Variants in KCNH5 observed in about 807,000 individuals in gnomAD.
KCNH5 encodes the protein voltage-gated delayed rectifier potassium channel KCNH5.
KCNH5 carries 46 observed loss-of-function variants against 96.1 expected under a neutral mutation model. The ratio of observed to expected loss-of-function variants is 0.48; its 90% CI spans 0.38 to 0.61. The LOEUF is 0.61. KCNH5 is among the 20% of genes least tolerant of loss of function. The probability of loss-of-function intolerance (pLI) is 0.00; values close to 1 mark genes in which losing one functional copy is unlikely to be tolerated. For synonymous variants in KCNH5, 439 were observed against 449.8 expected, an observed-to-expected ratio of 0.98 and a Z score of 0.30; for missense variants, 907 against 1,225.8, an observed-to-expected ratio of 0.74 and a Z score of 3.88.
rs151227321 is a variant in KCNH5, at chr14:62,857,985, C to T, written c.1370-8133G>A. Reference sequence around the variant, plus strand: ...ATAATACAACTATCCTTTGTACAACCAGAAACACACCAATCCCCAACCCAA... The same window carrying T: ...ATAATACAACTATCCTTTGTACAACTAGAAACACACCAATCCCCAACCCAA... On this transcript the variant is annotated intron_variant, in intron 7 of 10. Transcript: ENST00000322893. 1.7e-3 allele frequency among the ~76,000 whole-genome samples: 253 copies of T among 151,996 alleles called. 1 individual carries two copies. The highest frequency in any genetic ancestry group is 6.8e-3 in the Middle Eastern group (2 of 294).
intron 10 of KCNH5, among the ~76,000 whole-genome samples, chr14:62,743,970 C>T (rs1040996535): frequency 6.6e-6 from 1 of 152,100 alleles, no homozygotes; most frequent in African/African-American, 2.4e-5. Context: ...AAAGATTTAC[C>T]TCTATTTTAA....
rs1890446902 is a variant in KCNH5, at chr14:62,973,466, T to TA, written c.942+7405dup. The stretch of plus-strand genomic sequence containing the variant: ...CCTCATGCATGGATTAATGCTGCTA[T>TA]AAAAAGGGCTTGCAGAAGCGGTGTG... On this transcript the variant is annotated intron_variant, in intron 6 of 10. Transcript: ENST00000322893. Among the ~76,000 whole-genome samples the TA allele has an allele frequency of 3.9e-5, 6 of 152,270 alleles. No individual in the cohort carries two copies. In the South Asian group the frequency reaches 1.2e-3, roughly 32 times the overall value.
intron 1 of KCNH5, among the ~76,000 whole-genome samples, chr14:63,029,615 G>T (rs1030507836): frequency 6.6e-6 from 1 of 151,776 alleles, no homozygotes; most frequent in African/African-American, 2.4e-5. Context: ...CTATAAAATT[G>T]TATTTATCAC....
intron 7 of KCNH5, among the ~76,000 whole-genome samples, chr14:62,859,935 G>C (rs1323249964): frequency 6.6e-6 from 1 of 152,230 alleles, no homozygotes; most frequent in Non-Finnish European, 1.5e-5. Context: ...GGCAGGAATG[G>C]AGACCATGGG....
chr14:62,911,977 G>A (rs576058256), intron 7 of KCNH5, among the ~76,000 whole-genome samples: 20 of 147,272 alleles, frequency 1.4e-4, no homozygotes, highest in African/African-American at 4.5e-4. Context: ...GGCGGATGTT[G>A]CAGTGAGCCG....
At chr14:62,983,974 G>T (rs1467951101) in intron 5 of KCNH5, among the ~76,000 whole-genome samples, 3 of 152,128 alleles carry the variant, frequency 2.0e-5, no homozygotes, top group African/African-American at 4.8e-5. Context: ...GGACAAGGAG[G>T]AGGAAGAAGA....
chr14:62,979,629 T>A (rs1270472485), intron 6 of KCNH5, among the ~76,000 whole-genome samples: 1 of 152,138 alleles, frequency 6.6e-6, no homozygotes, highest in East Asian at 1.9e-4. Flanking sequence ...CATCTTAGGA[T>A]AATTAAGTTA....
In KCNH5 at chr14:62,707,959, A is replaced by G. The variant is rs771734900; in HGVS notation, c.2516T>C (p.Leu839Pro). Residue 839 changes from leucine (L) to proline (P), a missense_variant, in exon 11 of 11, where the codon CTA (leucine) becomes CCA (proline). Physicochemically the swap from Leu to Pro is moderately conservative, Grantham distance 98. This residue lies in a region of KCNH5 where 362 missense variants were observed against 394.4 expected (regional missense o/e 0.92). Transcript: ENST00000322893. ...ACTGCTCTTGGGGTCCTCAGACAAT[A>G]GCCCCATTGACTCAGCTTTAGTGAC... ...NNVTKAESMG[L>P]LSEDPKSSDS... is the part of the protein sequence containing the mutation. 4 of 1,614,048 alleles carry G rather than the reference A, an allele frequency of 2.5e-6. No individual in the cohort carries two copies. Among genetic ancestry groups the G allele is most frequent in the Non-Finnish European group, 3.4e-6 (4 of 1,180,040 alleles).
intron 10 of KCNH5, among the ~76,000 whole-genome samples, chr14:62,769,522 T>C (rs762003176): frequency 2.6e-5 from 4 of 152,242 alleles, no homozygotes; most frequent in South Asian, 2.1e-4. Context: ...TCAAAATTGC[T>C]GTACTACTCT....
At chr14:62,894,982 A>G (rs538177528) in intron 7 of KCNH5, among the ~76,000 whole-genome samples, 214 of 152,364 alleles carry the variant, frequency 1.4e-3, no homozygotes, top group African/African-American at 5.1e-3. Context: ...ACAGAGCCAA[A>G]GACCTTAAAT....
chr14:62,919,344 GATA>G (rs1889337334), intron 7 of KCNH5, among the ~76,000 whole-genome samples: 1 of 152,056 alleles, frequency 6.6e-6, no homozygotes, highest in Non-Finnish European at 1.5e-5. Flanking sequence ...CTTCCCTAGA[GATA>G]ATATTTTAAT....
At chr14:62,983,857 T>C (rs1234040115) in intron 5 of KCNH5, among the ~76,000 whole-genome samples, 2 of 152,176 alleles carry the variant, frequency 1.3e-5, no homozygotes, top group Non-Finnish European at 2.9e-5. Context: ...CTGTCTTACA[T>C]TTCTTTAGAC....
intron 10 of KCNH5, among the ~76,000 whole-genome samples, chr14:62,768,062 C>G (rs1885902695): frequency 6.6e-6 from 1 of 151,876 alleles, no homozygotes; most frequent in Non-Finnish European, 1.5e-5. Context: ...GGGAGGGTGC[C>G]AGGGTGGGAG....
At chr14:62,932,757 C>T (rs1210830911) in intron 7 of KCNH5, among the ~76,000 whole-genome samples, 1 of 151,932 alleles carries the variant, frequency 6.6e-6, no homozygotes, top group Non-Finnish European at 1.5e-5. Flanking sequence ...AAAAACATAA[C>T]ATTTATAAGA....
intron 8 of KCNH5, among the ~76,000 whole-genome samples, chr14:62,846,464 A>C (rs1887693167): frequency 6.6e-6 from 1 of 151,974 alleles, no homozygotes; most frequent in Admixed American, 6.6e-5. Flanking sequence ...GTACAAAGAT[A>C]AATTAAATAT....
intron 8 of KCNH5, among the ~76,000 whole-genome samples, chr14:62,839,018 G>A (rs189577137): frequency 5.8e-4 from 88 of 152,168 alleles, no homozygotes; most frequent in African/African-American, 2.0e-3. Flanking sequence ...ACATAACCTT[G>A]GACTTGGCAC....
intron 1 of KCNH5, among the ~76,000 whole-genome samples, chr14:63,018,867 G>GA (rs963731103): frequency 1.3e-5 from 2 of 151,936 alleles, no homozygotes; most frequent in African/African-American, 4.8e-5. Context: ...AATTACTATG[G>GA]AAAAAAGTAG....
chr14:62,783,943 C>T (rs530534481), intron 9 of KCNH5, among the ~76,000 whole-genome samples: 2 of 150,982 alleles, frequency 1.3e-5, no homozygotes, highest in South Asian at 4.1e-4. Context: ...ATCTTCTTTT[C>T]TTAAGAAAAT....
intron 8 of KCNH5, among the ~76,000 whole-genome samples, chr14:62,803,239 G>A (rs1327493848): frequency 6.6e-6 from 1 of 152,086 alleles, no homozygotes; most frequent in Non-Finnish European, 1.5e-5. Flanking sequence ...GTAAAATAGG[G>A]CATGAACATT....
Sources: allele counts gnomAD v4.1 joint callset (sites outside exome capture counted in the v4.1 genomes callset), GRCh38; gene constraint gnomAD v4.1.1; regional missense constraint gnomAD v4.1.1; transcripts MANE v1.5; gene names NCBI Gene and HGNC (gene_info 2026-07-23, HGNC 2026-07-21).